The following CEMIP2 variants were observed in gnomAD, a reference collection of about 807,000 sequenced individuals.
The protein encoded by CEMIP2 is cell migration inducing hyaluronidase 2.
A neutral mutation model predicts 146.9 loss-of-function variants in CEMIP2; 79 were observed. The ratio of observed to expected loss-of-function variants is 0.54; its 90% CI spans 0.45 to 0.65. The LOEUF is 0.65. CEMIP2 is among the 30% of genes least tolerant of loss of function. The probability of loss-of-function intolerance (pLI) is 0.00; values close to 1 mark genes in which losing one functional copy is unlikely to be tolerated. For missense variants in CEMIP2, 1,596 were observed against 1,696.2 expected, an observed-to-expected ratio of 0.94 and a Z score of 1.04; for synonymous variants, 601 against 606.3, an observed-to-expected ratio of 0.99 and a Z score of 0.13.
At chr9:71,696,549 T>C (rs1370920227) in intron 20 of CEMIP2, among the ~76,000 whole-genome samples, 5 of 151,422 alleles carry the variant, frequency 3.3e-5, no homozygotes, top group Admixed American at 6.6e-5. Flanking sequence ...GACGGACAGA[T>C]CACTTGAGGT....
chr9:71,767,818 G>A (rs913979495), intron 1 of CEMIP2, among the ~76,000 whole-genome samples: 1 of 152,146 alleles, frequency 6.6e-6, no homozygotes, highest in Non-Finnish European at 1.5e-5. Flanking sequence ...AGAGGCAGGG[G>A]GCGGAGGGCG....
Position 71,725,672 on chromosome 9 carries a change from G to T in CEMIP2, c.2087C>A (p.Thr696Asn). Reference sequence around the variant, plus strand: ...GAGCTGCAATCCACTGGATTCCCCAGTTGGTTCCTTGTGGAATAAATACCA... The same window carrying T: ...GAGCTGCAATCCACTGGATTCCCCATTTGGTTCCTTGTGGAATAAATACCA... ...GIWYLFHKEP[T>N]GESSGLQLLA... The change falls in exon 11 of 24, where the codon ACT (threonine) becomes AAT (asparagine). Residue 696 changes from threonine to asparagine, a missense_variant. Physicochemically the swap from Thr to Asn is moderately conservative, Grantham distance 65. Transcript: ENST00000377044. The T allele has an allele frequency of 1.2e-6, 2 of 1,613,930 alleles. No individual in the cohort carries two copies. The highest frequency in any genetic ancestry group is 1.7e-6 in the Non-Finnish European group (2 of 1,179,930).
intron 1 of CEMIP2, among the ~76,000 whole-genome samples, chr9:71,767,485 G>T (rs549763509): frequency 1.4e-4 from 21 of 152,318 alleles, no homozygotes; most frequent in Middle Eastern, 6.8e-3. Context: ...GATAAAAGGA[G>T]ATATATATCA....
At chr9:71,767,934 T>C (rs1824848149) in intron 1 of CEMIP2, among the ~76,000 whole-genome samples, 1 of 152,144 alleles carries the variant, frequency 6.6e-6, no homozygotes, top group East Asian at 1.9e-4. Flanking sequence ...CATCAACCTT[T>C]CACTGTAATC....
intron 15 of CEMIP2, among the ~76,000 whole-genome samples, chr9:71,714,029 CA>C (rs1458487392): frequency 1.3e-5 from 2 of 152,060 alleles, no homozygotes; most frequent in African/African-American, 2.4e-5. Flanking sequence ...GGTGAGAAGC[CA>C]AGCATGGTGA....
At chr9:71,694,780 A>ATATT (rs1822346668) in intron 20 of CEMIP2, among the ~76,000 whole-genome samples, 173 bp from the exon 21 acceptor site, 1 of 152,232 alleles carries the variant, frequency 6.6e-6, no homozygotes, top group African/African-American at 2.4e-5. Flanking sequence ...CAGTAAGTAT[A>ATATT]TATTTGTTCC....
chr9:71,704,952 C>T, intron 17 of CEMIP2, 149 bp from the exon 18 acceptor site: 1 of 677,542 alleles, frequency 1.5e-6, no homozygotes, highest in East Asian at 2.7e-5. Flanking sequence ...CAACTACATC[C>T]TCAGCCACTT....
chr9:71,744,490 G>T (rs1226015417), intron 4 of CEMIP2, among the ~76,000 whole-genome samples: 1 of 152,068 alleles, frequency 6.6e-6, no homozygotes, highest in African/African-American at 2.4e-5. Flanking sequence ...TATGCCAGGG[G>T]TCCATAGACC....
Position 71,730,032 on chromosome 9 carries a change from T to C in CEMIP2, c.1979+16A>G. The C allele has an allele frequency of 1.2e-6, 2 of 1,614,110 alleles. No individual in the cohort carries two copies. The highest frequency in any genetic ancestry group is 1.7e-6 in the Non-Finnish European group (2 of 1,179,994). On this transcript the variant is annotated intron_variant, in intron 9 of 23. Transcript: ENST00000377044. ...AGGCCCTGACTCATGGGTTTTTCTC[T>C]CCGCCAATTACTCACATACAGTCAG...
chr9:71,730,092 A>T lies in CEMIP2; in HGVS notation c.1935T>A (p.Asp645Glu), dbSNP rs772298557. 8 of 1,614,174 alleles carry T rather than the reference A, an allele frequency of 5.0e-6. No individual in the cohort carries two copies. In the East Asian group the frequency reaches 1.8e-4, roughly 36 times the overall value. Reference sequence around the variant, plus strand: ...CAGGAATGTAATTTCCAAACACTTTATCTCGCATGGTGGTACACATGGAGT... The same window carrying T: ...CAGGAATGTAATTTCCAAACACTTTTTCTCGCATGGTGGTACACATGGAGT... ...RNNSMCTTMR[D>E]KVFGNYIPVP... Residue 645 changes from aspartate to glutamate, a missense_variant, in exon 9 of 24, where the codon GAT (aspartate) becomes GAA (glutamate). Coordinates refer to ENST00000377044, the MANE Select transcript of CEMIP2 (RefSeq NM_013390.3).
At chr9:71,738,779 A>G (rs150114420) in intron 5 of CEMIP2, among the ~76,000 whole-genome samples, 10,716 of 148,450 alleles carry the variant, frequency 0.072, 536 homozygotes, top group South Asian at 0.2. Flanking sequence ...AGAGGTTGCA[A>G]TGAGCCAAGA....
chr9:71,694,339 G>C (rs1400573734), intron 21 of CEMIP2, among the ~76,000 whole-genome samples, 170 bp downstream of exon 21: 1 of 152,056 alleles, frequency 6.6e-6, no homozygotes, highest in East Asian at 1.9e-4. Context: ...TGTTAGCCAG[G>C]ATGGTCTCGA....
At chr9:71,739,861 A>G (rs1823864646) in intron 5 of CEMIP2, among the ~76,000 whole-genome samples, 1 of 152,164 alleles carries the variant, frequency 6.6e-6, no homozygotes, top group South Asian at 2.1e-4. Flanking sequence ...GGAAGCCAAA[A>G]GATTGGAGAC....
chr9:71,732,373 T>A lies in CEMIP2; in HGVS notation c.1541A>T (p.Asp514Val). The A allele has an allele frequency of 1.2e-6, 2 of 1,612,608 alleles. No individual in the cohort carries two copies. Among genetic ancestry groups the A allele is most frequent in the South Asian group, 2.2e-5 (2 of 90,624 alleles). ...TACCATAATGTGTCCCCCAAAGGTA[T>A]CATAATCAAAAAATTGGCACTGATT... is the stretch of plus-strand genomic sequence containing the variant. ...AENQCQFFDY[D>V]TFGGHIMIMK... Residue 514 changes from aspartate to valine, a missense_variant, in exon 7 of 24, where the codon GAT (aspartate) becomes GTT (valine). Transcript: ENST00000377044.
intron 12 of CEMIP2, among the ~76,000 whole-genome samples, chr9:71,719,842 CA>C (rs34555277): frequency 0.35 from 32,538 of 93,058 alleles, 4,674 homozygotes; most frequent in Middle Eastern, 0.49. Flanking sequence ...TAAACGAAAG[CA>C]AAAAAAAAAA....
chr9:71,688,420 G>A (rs564074524), intron 22 of CEMIP2, among the ~76,000 whole-genome samples: 18 of 151,348 alleles, frequency 1.2e-4, no homozygotes, highest in East Asian at 3.9e-4. Context: ...AGACAGAGTC[G>A]CGCTCTGTTG....
intron 15 of CEMIP2, among the ~76,000 whole-genome samples, chr9:71,713,255 G>A (rs1301473022): frequency 2.6e-5 from 4 of 152,046 alleles, no homozygotes; most frequent in Admixed American, 6.6e-5. Context: ...CAGTGAATGG[G>A]TCTCACGATA....
At position 71,730,801 on chromosome 9, in the gene CEMIP2, A is replaced by G. The variant is rs1823593974; in HGVS notation, c.1677T>C (p.Tyr559=). 2 of 1,614,236 alleles carry G rather than the reference A, an allele frequency of 1.2e-6. No homozygotes were observed. The highest frequency in any genetic ancestry group is 4.5e-5 in the East Asian group (2 of 44,884). The change falls in exon 8 of 24, where the codon TAT becomes TAC. Residue 559 remains tyrosine (Y), a synonymous_variant. Transcript: ENST00000377044. Reference sequence around the variant, plus strand: ...ATGTTGCATGTCTGTATCCTCCTTTATAATCCACGTCACCACACAGGTGAA... The same window carrying G: ...ATGTTGCATGTCTGTATCCTCCTTTGTAATCCACGTCACCACACAGGTGAA... ...VHFHLCGDVD[Y]KGGYRHATFV... is the part of the protein sequence containing the mutation.
In CEMIP2 at chr9:71,750,272, T is replaced by C; in HGVS notation, c.102A>G (p.Pro34=). 1 of 1,613,844 alleles carries C rather than the reference T, an allele frequency of 6.2e-7. No individual in the cohort carries two copies. Among genetic ancestry groups the C allele is most frequent in the Non-Finnish European group, 8.5e-7 (1 of 1,179,986 alleles). Residue 34 remains proline, a synonymous_variant, in exon 2 of 24, where the codon CCA becomes CCG. Coordinates refer to ENST00000377044, the MANE Select transcript of CEMIP2 (RefSeq NM_013390.3). ...PSGYVPGKVV[P]LRPPPPPKSQ... ...TCTTTGGAGGAGGAGGGGGACGCAA[T>C]GGGACAACCTTCCCTGGAACATAGC...
Sources: gnomAD v4.1 joint callset for allele counts (sites outside exome capture counted in the v4.1 genomes callset) on GRCh38, gnomAD v4.1.1 for gene constraint, MANE v1.5 for transcripts, NCBI Gene and HGNC (gene_info 2026-07-23, HGNC 2026-07-21) for gene names.